ATP7A: variants seen among roughly 807,000 people sequenced by gnomAD.
ATP7A encodes ATPase copper transporting alpha.
Under a neutral mutation model 83.5 loss-of-function variants are expected in ATP7A, and 7 were observed. The ratio of observed to expected loss-of-function variants is 0.08; its 90% CI spans 0.05 to 0.16. The LOEUF (loss-of-function observed/expected upper bound fraction) is 0.16. Ranked by LOEUF, ATP7A falls within the 10% of genes least tolerant of loss-of-function variation. The probability of loss-of-function intolerance (pLI) is 1.00; values close to 1 mark genes in which losing one functional copy is unlikely to be tolerated. For missense variants in ATP7A, 940 were observed against 1,120.8 expected (o/e 0.84, Z 2.30); for synonymous variants, 354 against 395.2 (o/e 0.90, Z 1.24).
At chrX:78,021,810 G>A (rs1027820931) in intron 14 of ATP7A, among the ~76,000 whole-genome samples, 18 of 111,677 alleles carry the variant, frequency 1.6e-4, no homozygotes, top group African/African-American at 5.2e-4. Context: ...GTCCCCCTGC[G>A]AAACCCCTGA....
At chrX:77,956,737 T>TTCTTTC (rs2077444130) in intron 1 of ATP7A, among the ~76,000 whole-genome samples, 1 of 90,659 alleles carries the variant, frequency 1.1e-5, no homozygotes. Flanking sequence ...CTTTCTTTCT[T>TTCTTTC]TCTTTCTTTC....
chrX:77,929,426 T>C (rs1423053977), intron 1 of ATP7A, among the ~76,000 whole-genome samples: 2 of 111,360 alleles, frequency 1.8e-5, no homozygotes, highest in Non-Finnish European at 3.8e-5. Context: ...GAAAAGAGCC[T>C]ACTTTTTGGA....
intron 4 of ATP7A, among the ~76,000 whole-genome samples, chrX:77,994,132 C>T (rs2077685967): frequency 1.8e-5 from 2 of 110,717 alleles, no homozygotes; most frequent in Admixed American, 1.9e-4. Context: ...ATGGCGCAAT[C>T]TCGGCTCACT....
At chrX:78,026,801 G>A (rs1344372124) in intron 14 of ATP7A, among the ~76,000 whole-genome samples, 3 of 111,568 alleles carry the variant, frequency 2.7e-5, no homozygotes, top group Admixed American at 1.9e-4. Context: ...AGCCACACAA[G>A]TACAGGGAGA....
intron 1 of ATP7A, among the ~76,000 whole-genome samples, chrX:77,937,976 T>C (rs1213615388): frequency 9.1e-6 from 1 of 109,721 alleles, no homozygotes; most frequent in Non-Finnish European, 1.9e-5. Flanking sequence ...TTGATGGGCA[T>C]GTTGTCAGTG....
chrX:77,939,719 G>C (rs1346536600), intron 1 of ATP7A, among the ~76,000 whole-genome samples: 3 of 111,100 alleles, frequency 2.7e-5, no homozygotes, highest in African/African-American at 6.5e-5. Context: ...AGGTATTAGA[G>C]AGTTTAATAA....
chrX:78,006,653 A>G (rs782007661), intron 6 of ATP7A, among the ~76,000 whole-genome samples: 32 of 111,707 alleles, frequency 2.9e-4, no homozygotes, highest in African/African-American at 9.1e-4. Flanking sequence ...TCTTACCTGT[A>G]CTGGTTCTAC....
In ATP7A at chrX:77,969,671, G is replaced by T. The variant is rs782233221; in HGVS notation, c.-21-1950G>T. On this transcript the variant is annotated intron_variant, in intron 1 of 22. Transcript: ENST00000341514. ...GGCTGCAATACTTTTTATACCATTT[G>T]AAGTAAAAGGTACAAAAGGTTATAC... 1.2e-5 allele frequency: 14 copies of T among 1,204,231 alleles called. No homozygotes were observed. The Admixed American group carries it at 2.6e-4, about 23-fold the overall frequency.
At chrX:77,984,196 C>T in intron 2 of ATP7A, among the ~76,000 whole-genome samples, 1 of 110,926 alleles carries the variant, frequency 9.0e-6, no homozygotes. Flanking sequence ...AGCACAGACC[C>T]GGAATCAGAC....
At chrX:77,949,128 C>A (rs185558511) in intron 1 of ATP7A, among the ~76,000 whole-genome samples, 2 of 111,351 alleles carry the variant, frequency 1.8e-5, no homozygotes, top group African/African-American at 6.5e-5. Context: ...TGAGCTCAGG[C>A]AGTCTGCCAC....
At chrX:77,968,632 T>G (rs1267349498) in intron 1 of ATP7A, among the ~76,000 whole-genome samples, 5 of 112,295 alleles carry the variant, frequency 4.5e-5, no homozygotes, top group African/African-American at 1.6e-4. Flanking sequence ...TAAGGGGAGC[T>G]TTTCCACAGC....
At chrX:77,996,917 T>G (rs2077708152) in intron 4 of ATP7A, among the ~76,000 whole-genome samples, 1 of 111,544 alleles carries the variant, frequency 9.0e-6, no homozygotes, top group African/African-American at 3.3e-5. Context: ...CAGCCTCCTT[T>G]TTGTTTTTCT....
chrX:78,028,420 C>A (rs375001001), intron 14 of ATP7A, among the ~76,000 whole-genome samples: 37 of 111,850 alleles, frequency 3.3e-4, no homozygotes, highest in African/African-American at 1.0e-3. Flanking sequence ...GACTCCTGAC[C>A]TCAGGTGATC....
At chrX:77,935,632 T>G (rs1484691536) in intron 1 of ATP7A, among the ~76,000 whole-genome samples, 2 of 112,118 alleles carry the variant, frequency 1.8e-5, no homozygotes, top group Non-Finnish European at 3.8e-5. Context: ...ACAATACATT[T>G]TGAGTAAAGA....
rs1056057247 is a variant in ATP7A, at chrX:78,003,131, T to G, written c.1602T>G (p.Pro534=). The change falls in exon 6 of 23, where the codon CCT becomes CCG. Residue 534 remains proline, a synonymous_variant. Coordinates refer to ENST00000341514, the MANE Select transcript of ATP7A (RefSeq NM_000052.7). ...GCAAGGCAGAAGTAAGGTATAATCC[T>G]GCTGTTATACAACCCCCAATGATAG... ...MAGKAEVRYN[P]AVIQPPMIAE... is the part of the protein sequence containing the mutation. 5.0e-6 allele frequency: 6 copies of G among 1,209,208 alleles called. No individual in the cohort carries two copies. The highest frequency in any genetic ancestry group is 6.7e-6 in the Non-Finnish European group (6 of 893,065).
In ATP7A at chrX:77,980,487, T is replaced by C. The variant is rs964672277; in HGVS notation, c.121-7755T>C. On this transcript the variant is annotated intron_variant, in intron 2 of 22. Coordinates refer to ENST00000341514, the MANE Select transcript of ATP7A (RefSeq NM_000052.7). The stretch of plus-strand genomic sequence containing the variant: ...AATAAAATAAAAATGACCACATCAA[T>C]GCTAGCAGTTACTAAATTCCTCCTT... Among the ~76,000 whole-genome samples, 37 of 110,059 alleles carry C rather than the reference T, an allele frequency of 3.4e-4. 1 individual carries two copies. The highest frequency in any genetic ancestry group is 6.4e-4 in the Non-Finnish European group (34 of 52,739).
At chrX:78,042,562 T>C (rs1557238563) in intron 19 of ATP7A, 23 bp from the exon 20 acceptor site, 1 of 1,192,408 alleles carries the variant, frequency 8.4e-7, no homozygotes, top group Non-Finnish European at 1.1e-6. Flanking sequence ...TTTAAATGAA[T>C]TGAGTTTATT....
chrX:78,014,477 A>G (rs1557234903), intron 10 of ATP7A, among the ~76,000 whole-genome samples, 185 bp from the exon 11 acceptor site: 2 of 111,599 alleles, frequency 1.8e-5, no homozygotes, highest in Non-Finnish European at 1.9e-5. Context: ...AACATTTTCT[A>G]GTGAAACATT....
At chrX:77,938,896 G>A (rs1557225339) in intron 1 of ATP7A, among the ~76,000 whole-genome samples, 2 of 112,109 alleles carry the variant, frequency 1.8e-5, no homozygotes, top group Non-Finnish European at 3.8e-5. Flanking sequence ...ATTATTGACT[G>A]TCTTTGTATG....
Sources: allele counts gnomAD v4.1 joint callset (sites outside exome capture counted in the v4.1 genomes callset), GRCh38; gene constraint gnomAD v4.1.1; transcripts MANE v1.5; gene names NCBI Gene and HGNC (gene_info 2026-07-23, HGNC 2026-07-21).